Variants in TGM5 observed in about 807,000 individuals in gnomAD.
TGM5 encodes protein-glutamine gamma-glutamyltransferase 5.
In TGM5, 69 loss-of-function variants were observed where a neutral mutation model predicts 77.2. The ratio of observed to expected loss-of-function variants is 0.89; its 90% CI spans 0.74 to 1.09. The LOEUF is 1.09. TGM5 is among the 50% of genes least tolerant of loss of function. TGM5 has a pLI of 0.00. For synonymous variants in TGM5, 346 were observed against 351.8 expected, an observed-to-expected ratio of 0.98 and a Z score of 0.18; for missense variants, 842 against 896.5, an observed-to-expected ratio of 0.94 and a Z score of 0.78.
intron 11 of TGM5, among the ~76,000 whole-genome samples, chr15:43,234,401 CA>C (rs2042571508): frequency 6.6e-6 from 1 of 152,128 alleles, no homozygotes; most frequent in African/African-American, 2.4e-5. Flanking sequence ...GATACACAGC[CA>C]AAAAATGGCA....
chr15:43,234,786 G>A lies in TGM5; in HGVS notation c.1858C>T (p.Pro620Ser). Residue 620 changes from proline (P) to serine (S), a missense_variant, in exon 11 of 13, where the codon CCA becomes TCA. Pro to Ser is a moderately conservative substitution (Grantham distance 74, BLOSUM62 -1). Around this residue, in one of 2 missense-constraint regions of TGM5, gnomAD observed 815 missense variants for 844.6 expected, o/e 0.96. Transcript: ENST00000220420. ...LVNKIITLSY[P>S]SITINVLGAA... ...CTGCCTACATTAATCGTGATGCTTG[G>A]ATAAGATAAGGTGATGATCTTGTTC... is the stretch of plus-strand genomic sequence containing the variant. 1 of 1,614,198 alleles carries A rather than the reference G, an allele frequency of 6.2e-7. No homozygotes were observed. The highest frequency in any genetic ancestry group is 8.5e-7 in the Non-Finnish European group (1 of 1,180,034).
At chr15:43,237,887 A>G (rs2042601768) in intron 9 of TGM5, among the ~76,000 whole-genome samples, 1 of 152,206 alleles carries the variant, frequency 6.6e-6, no homozygotes, top group South Asian at 2.1e-4. Context: ...AGGATAGCCT[A>G]AAAAATAAAC....
At position 43,239,163 on chromosome 15, in the gene TGM5, C is replaced by T. The variant is rs368075847; in HGVS notation, c.1105G>A (p.Gly369Ser). ...CTGCCTTTCTTCTGGAGAGCCTCAC[C>T]GTTGCTCATCTCCTGAGGTGTGGCG... ...LDATPQEMSN[G>S]VYCCGPASVR... Residue 369 changes from glycine to serine, a missense_variant and splice_region_variant, in exon 8 of 13, where the codon GGC becomes AGC. By Grantham distance (56) the Gly-to-Ser change is moderately conservative. This residue lies in a region of TGM5 where 815 missense variants were observed against 844.6 expected (regional missense o/e 0.96). Transcript: ENST00000220420. The T allele has an allele frequency of 1.5e-5, 24 of 1,613,970 alleles. No homozygotes were observed. Among genetic ancestry groups the T allele is most frequent in the Middle Eastern group, 1.6e-4 (1 of 6,084 alleles).
At chr15:43,255,577 A>G (rs1004300658) in intron 4 of TGM5, among the ~76,000 whole-genome samples, 1 of 152,148 alleles carries the variant, frequency 6.6e-6, no homozygotes, top group African/African-American at 2.4e-5. Flanking sequence ...GGCTGGAAGG[A>G]CACATATGTT....
chr15:43,252,742 TC>T lies in TGM5; in HGVS notation c.862+16del. 6.2e-7 allele frequency: 1 copy of T among 1,612,808 alleles called. No individual in the cohort carries two copies. The highest frequency in any genetic ancestry group is 8.5e-7 in the Non-Finnish European group (1 of 1,179,968). On this transcript the variant is annotated intron_variant, in intron 6 of 12. Transcript: ENST00000220420. ...CTATACTTCTGACCTTTTTGTGGGGTCCTTTCTACCTCCTACCTGTGCACAT... is the reference window on the plus strand; with the variant it reads ...CTATACTTCTGACCTTTTTGTGGGGTCTTTCTACCTCCTACCTGTGCACAT...
At chr15:43,244,314 A>G (rs1018200788) in intron 6 of TGM5, among the ~76,000 whole-genome samples, 5 of 152,246 alleles carry the variant, frequency 3.3e-5, no homozygotes, top group Non-Finnish European at 7.3e-5. Flanking sequence ...GGCTGGGCAC[A>G]GGGTAGGTGC....
chr15:43,238,875 T>C lies in TGM5; in HGVS notation c.1287A>G (p.Thr429=). 1 of 1,614,218 alleles carries C rather than the reference T, an allele frequency of 6.2e-7. No homozygotes were observed. The highest frequency in any genetic ancestry group is 8.5e-7 in the Non-Finnish European group (1 of 1,180,036). The change falls in exon 9 of 13, where the codon ACA becomes ACG. Residue 429 remains threonine (T), a synonymous_variant. Coordinates refer to ENST00000220420, the MANE Select transcript of TGM5 (RefSeq NM_201631.4). ...CCCGCTCGTCACTCTGGATGCTCTT[T>C]GTGCTGATAAAATTGCCAACAGAAC... The part of the protein sequence containing the change: ...DTSSVGNFIS[T]KSIQSDERDD...
At chr15:43,240,060 GGAA>G (rs1300712097) in intron 7 of TGM5, among the ~76,000 whole-genome samples, 1 of 152,118 alleles carries the variant, frequency 6.6e-6, no homozygotes, top group African/African-American at 2.4e-5. Context: ...CCCCAAGGTG[GGAA>G]GGTCATGGAA....
At chr15:43,242,216 T>A (rs2042641915) in intron 6 of TGM5, among the ~76,000 whole-genome samples, 1 of 152,246 alleles carries the variant, frequency 6.6e-6, no homozygotes, top group South Asian at 2.1e-4. Flanking sequence ...GAGCTACCAC[T>A]AAAATCCTGG....
chr15:43,239,240 C>T lies in TGM5; in HGVS notation c.1028G>A (p.Trp343Ter). 4.3e-6 allele frequency: 7 copies of T among 1,614,188 alleles called. No individual in the cohort carries two copies. In the South Asian group the frequency reaches 4.4e-5, roughly 10 times the overall value. The change falls in exon 8 of 13, where the codon TGG becomes TAG. Residue 343 changes from tryptophan (W) to a stop codon, truncating the protein, a stop_gained. Coordinates refer to ENST00000220420, the MANE Select transcript of TGM5 (RefSeq NM_201631.4). LOFTEE classifies it high-confidence loss of function. ...AGGGGGCAGATCCTTCCGGGCCATCCAGCACTCATTCCAGACATGGAAGTT... is the reference window on the plus strand; with the variant it reads ...AGGGGGCAGATCCTTCCGGGCCATCTAGCACTCATTCCAGACATGGAAGTT... Reference protein sequence around the residue: ...IWNFHVWNECWMARKDLPPAY... With the variant: ...IWNFHVWNEC
At position 43,235,586 on chromosome 15, in the gene TGM5, A is replaced by T. The variant is rs150300231; in HGVS notation, c.1597T>A (p.Ser533Thr). Residue 533 changes from serine to threonine, a missense_variant, in exon 10 of 13, where the codon TCC (serine) becomes ACC (threonine). By Grantham distance (58) the Ser-to-Thr change is moderately conservative (BLOSUM62 1). Transcript: ENST00000220420. ...ACTTTGAGGTCCTTGAACTGGGAGGACATGTTGAGGGCCAGCAGGACAAAG... is the reference window on the plus strand; with the variant it reads ...ACTTTGAGGTCCTTGAACTGGGAGGTCATGTTGAGGGCCAGCAGGACAAAG... ...ICFVLLALNM[S>T]SQFKDLKVNL... The T allele has an allele frequency of 6.2e-7, 1 of 1,614,148 alleles. No individual in the cohort carries two copies. Among genetic ancestry groups the T allele is most frequent in the Non-Finnish European group, 8.5e-7 (1 of 1,180,032 alleles).
chr15:43,234,703 AG>A, intron 11 of TGM5, 65 bp downstream of exon 11: 1 of 1,607,258 alleles, frequency 6.2e-7, no homozygotes, highest in East Asian at 2.2e-5. Flanking sequence ...GCCCTCTCAC[AG>A]GGCTTCACCC....
intron 6 of TGM5, among the ~76,000 whole-genome samples, chr15:43,251,582 C>T (rs1462404143): frequency 1.3e-5 from 2 of 152,190 alleles, no homozygotes; most frequent in East Asian, 3.9e-4. Context: ...CTTCTCTCCC[C>T]AGCTTAACAC....
chr15:43,252,183 A>G (rs2042707684), intron 6 of TGM5, among the ~76,000 whole-genome samples: 1 of 152,230 alleles, frequency 6.6e-6, no homozygotes, highest in Non-Finnish European at 1.5e-5. Flanking sequence ...TCTTAGGAAT[A>G]TGCTGGTAAG....
At chr15:43,238,745 C>G in intron 9 of TGM5, 72 bp downstream of exon 9, 2 of 1,587,740 alleles carry the variant, frequency 1.3e-6, no homozygotes, top group South Asian at 2.3e-5. Flanking sequence ...CGCAGATGCT[C>G]TCTGGCTCCC....
intron 9 of TGM5, among the ~76,000 whole-genome samples, chr15:43,238,394 A>T (rs2042606232): frequency 6.6e-6 from 1 of 152,218 alleles, no homozygotes; most frequent in Admixed American, 6.5e-5. Flanking sequence ...TCCCACAGGG[A>T]GGAGTGGTGG....
At chr15:43,245,027 C>G (rs1183139829) in intron 6 of TGM5, among the ~76,000 whole-genome samples, 1 of 152,054 alleles carries the variant, frequency 6.6e-6, no homozygotes, top group African/African-American at 2.4e-5. Context: ...CATAATGGCG[C>G]CACTGCACTC....
intron 6 of TGM5, chr15:43,241,222 C>CCT: frequency 1.7e-6 from 1 of 584,620 alleles, no homozygotes; most frequent in Non-Finnish European, 3.1e-6. Flanking sequence ...ACAAGCACTG[C>CCT]CTGAGCCAGT....
chr15:43,233,832 A>G lies in TGM5; in HGVS notation c.1876-145T>C, dbSNP rs1202048923. 6 of 981,090 alleles carry G rather than the reference A, an allele frequency of 6.1e-6. No homozygotes were observed. The African/African-American group carries it at 8.1e-5, about 13-fold the overall frequency. 60.8% of individuals were successfully genotyped at this position (981,090 alleles called of 1,614,324 possible). On this transcript the variant is annotated intron_variant, in intron 11 of 12. Transcript: ENST00000220420. ...ATAAGAATTCTTTGAGCCGAAGACA[A>G]TTGAGAAGAAGCAGATATAAGAAAA...
Sources: allele counts gnomAD v4.1 joint callset (sites outside exome capture counted in the v4.1 genomes callset), GRCh38; gene constraint gnomAD v4.1.1; regional missense constraint gnomAD v4.1.1; transcripts MANE v1.5; gene names NCBI Gene and HGNC (gene_info 2026-07-23, HGNC 2026-07-21).